The following SSTR2 variants were observed in gnomAD, a reference collection of about 807,000 sequenced individuals.
The protein encoded by SSTR2 is somatostatin receptor type 2.
In SSTR2, 10 loss-of-function variants were observed where a neutral mutation model predicts 21.4. The observed-to-expected ratio is 0.47, with a 90% CI of 0.29 to 0.79. SSTR2 has a LOEUF of 0.79. Ranked by LOEUF, SSTR2 falls within the 30% of genes least tolerant of loss-of-function variation. The pLI is 0.10. For synonymous variants in SSTR2, 177 were observed against 181.3 expected, an observed-to-expected ratio of 0.98 and a Z score of 0.19; for missense variants, 364 against 468.8, an observed-to-expected ratio of 0.78 and a Z score of 2.06.
Position 73,171,405 on chromosome 17 carries a change from A to C in SSTR2, c.*976A>C, listed in dbSNP as rs1178069821. 1 of 167,036 alleles carries C rather than the reference A, an allele frequency of 6.0e-6. No homozygotes were observed. Among genetic ancestry groups the C allele is most frequent in the Non-Finnish European group, 1.5e-5 (1 of 68,134 alleles). The allele number at this position is 167,036 out of a possible 1,614,324, so 10.3% of individuals were successfully genotyped here. A position where few individuals can be genotyped will look rare whatever the true frequency, so the allele number is the denominator to read the frequency against. ...GGGAAAAATCACTAACATGAAAGGC[A>C]AAAAATGGACTATGATTCCTGTGGG... On this transcript the variant is annotated 3_prime_UTR_variant, in exon 2 of 2. Transcript: ENST00000357585.
chr17:73,169,114 A>T lies in SSTR2; in HGVS notation c.-92-114A>T. ...GAGCTTAATGTTGATGTGGAAAGAT[A>T]ATACATTTTTCAATTTAAGAGTATG... On this transcript the variant is annotated intron_variant, in intron 1 of 1. Transcript: ENST00000357585. This position sits in a 1 kb window ranked among gnomAD's most constrained non-coding sequence, Gnocchi z 5.2. 1 of 602,994 alleles carries T rather than the reference A, an allele frequency of 1.7e-6. No individual in the cohort carries two copies. The allele number at this position is 602,994 out of a possible 1,614,324, so 37.4% of individuals were successfully genotyped here. A position where few individuals can be genotyped will look rare whatever the true frequency, so the allele number is the denominator to read the frequency against.
At position 73,170,266 on chromosome 17, in the gene SSTR2, C is replaced by T. The variant is rs368559735; in HGVS notation, c.947C>T (p.Ser316Phe). Residue 316 changes from serine (S) to phenylalanine (F), a missense_variant, in exon 2 of 2, where the codon TCT becomes TTT. Ser to Phe is a radical substitution (Grantham distance 155, BLOSUM62 -2). Around this residue, in one of 4 missense-constraint regions of SSTR2, gnomAD observed 193 missense variants for 273.1 expected, o/e 0.71. Transcript: ENST00000357585. Reference protein sequence around the residue: ...CANPILYAFLSDNFKKSFQNV... With the variant: ...CANPILYAFLFDNFKKSFQNV... Reference sequence around the variant, plus strand: ...AACCCTATCCTATATGCCTTCTTGTCTGACAACTTCAAGAAGAGCTTCCAG... The same window carrying T: ...AACCCTATCCTATATGCCTTCTTGTTTGACAACTTCAAGAAGAGCTTCCAG... The T allele has an allele frequency of 2.2e-5, 35 of 1,613,982 alleles. No homozygotes were observed. Among genetic ancestry groups the T allele is most frequent in the Non-Finnish European group, 2.9e-5 (34 of 1,180,044 alleles).
At chr17:73,167,470 T>C (rs2061220008) in intron 1 of SSTR2, among the ~76,000 whole-genome samples, 1 of 151,828 alleles carries the variant, frequency 6.6e-6, no homozygotes, top group African/African-American at 2.4e-5. Flanking sequence ...TAAGAAGTAA[T>C]CTTCCATCTA....
chr17:73,165,451 C>T (rs1487966237), intron 1 of SSTR2, among the ~76,000 whole-genome samples, 163 bp downstream of exon 1: 1 of 152,044 alleles, frequency 6.6e-6, no homozygotes, highest in Non-Finnish European at 1.5e-5. Context: ...ATTCTCCGCT[C>T]TTGTGCCTTT....
In SSTR2 at chr17:73,170,068, C is replaced by G. The variant is rs61743817; in HGVS notation, c.749C>G (p.Ser250Cys). 1.4e-5 allele frequency: 23 copies of G among 1,614,050 alleles called. No individual in the cohort carries two copies. The highest frequency in any genetic ancestry group is 1.8e-5 in the Non-Finnish European group (21 of 1,180,038). The part of the protein sequence containing the change: ...IRVGSSKRKK[S>C]EKKVTRMVSI... ...GTGGGCTCCTCTAAGAGGAAGAAGT[C>G]TGAGAAGAAGGTCACCCGAATGGTG... is the stretch of plus-strand genomic sequence containing the variant. The change falls in exon 2 of 2, where the codon TCT becomes TGT. Residue 250 changes from serine (S) to cysteine (C), a missense_variant. Transcript: ENST00000357585.
In SSTR2 at chr17:73,170,230, A is replaced by C. The variant is rs1266695685; in HGVS notation, c.911A>C (p.Asn304Thr). The change falls in exon 2 of 2, where the codon AAC (asparagine) becomes ACC (threonine). Residue 304 changes from asparagine to threonine, a missense_variant. By Grantham distance (65) the Asn-to-Thr change is moderately conservative. Around this residue, in one of 4 missense-constraint regions of SSTR2, gnomAD observed 193 missense variants for 273.1 expected, o/e 0.71. Coordinates refer to ENST00000357585, the MANE Select transcript of SSTR2 (RefSeq NM_001050.3). The part of the protein sequence containing the change: ...FDFVVVLTYA[N>T]SCANPILYAF... The stretch of plus-strand genomic sequence containing the variant: ...TTTGTGGTGGTCCTCACCTATGCTA[A>C]CAGCTGTGCCAACCCTATCCTATAT... 1 of 1,614,064 alleles carries C rather than the reference A, an allele frequency of 6.2e-7. No individual in the cohort carries two copies. Among genetic ancestry groups the C allele is most frequent in the South Asian group, 1.1e-5 (1 of 91,076 alleles).
chr17:73,167,911 GA>G (rs2061221461), intron 1 of SSTR2: 1 of 152,194 alleles, frequency 6.6e-6, no homozygotes, highest in Admixed American at 6.5e-5. Flanking sequence ...ATTATGGGAT[GA>G]ACTATTGTTT....
At position 73,172,794 on chromosome 17, in the gene SSTR2, T is replaced by C. The variant is rs1308892065; in HGVS notation, c.*2365T>C. On this transcript the variant is annotated 3_prime_UTR_variant, in exon 2 of 2. Transcript: ENST00000357585. ...GATTTGGAAGAAAATGCTTTAGACCTAACTTTACAATTATTATAACATAAG... is the reference window on the plus strand; with the variant it reads ...GATTTGGAAGAAAATGCTTTAGACCCAACTTTACAATTATTATAACATAAG... 5.9e-5 allele frequency: 9 copies of C among 152,206 alleles called. No homozygotes were observed. Among genetic ancestry groups the C allele is most frequent in the Non-Finnish European group, 1.3e-4 (9 of 68,036 alleles). The allele number at this position is 152,206 out of a possible 1,614,324, so 9.4% of individuals were successfully genotyped here. A position where few individuals can be genotyped will look rare whatever the true frequency, so the allele number is the denominator to read the frequency against.
chr17:73,174,024 G>C lies in SSTR2; in HGVS notation c.*3595G>C, dbSNP rs2061242665. On this transcript the variant is annotated 3_prime_UTR_variant, in exon 2 of 2. Transcript: ENST00000357585. The stretch of plus-strand genomic sequence containing the variant: ...TGTGCCTGTAATCCCAGCTACTCAG[G>C]AGGCTGAGACAGGAGAATCGCTTGA... 1 of 151,930 alleles carries C rather than the reference G, an allele frequency of 6.6e-6. No homozygotes were observed. Among genetic ancestry groups the C allele is most frequent in the Admixed American group, 6.6e-5 (1 of 15,240 alleles). The allele number at this position is 151,930 out of a possible 1,614,324, so 9.4% of individuals were successfully genotyped here.
rs1489521659 is a variant in SSTR2 at position 73,175,026 on chromosome 17, G to C, written c.*4597G>C. On this transcript the variant is annotated 3_prime_UTR_variant, in exon 2 of 2. Coordinates refer to ENST00000357585, the MANE Select transcript of SSTR2 (RefSeq NM_001050.3). ...AGAAAGAAAGAAAGAAAGGTGGCAA[G>C]AGAATTATCAAAAGTTTCCATAGAT... 6.6e-6 allele frequency: 1 copy of C among 152,264 alleles called. No homozygotes were observed. Among genetic ancestry groups the C allele is most frequent in the African/African-American group, 2.4e-5 (1 of 41,450 alleles). The allele number at this position is 152,264 out of a possible 1,614,324, so 9.4% of individuals were successfully genotyped here. A position where few individuals can be genotyped will look rare whatever the true frequency, so the allele number is the denominator to read the frequency against.
Position 73,170,597 on chromosome 17 carries a change from T to A in SSTR2, c.*168T>A. Reference sequence around the variant, plus strand: ...CGGTGTTTGAGTCAGCTTGTCTGATTGAATGATAATGTGCTAAATTGATTA... The same window carrying A: ...CGGTGTTTGAGTCAGCTTGTCTGATAGAATGATAATGTGCTAAATTGATTA... On this transcript the variant is annotated 3_prime_UTR_variant, in exon 2 of 2. Coordinates refer to ENST00000357585, the MANE Select transcript of SSTR2 (RefSeq NM_001050.3). 2 of 850,200 alleles carry A rather than the reference T, an allele frequency of 2.4e-6. No homozygotes were observed. Among genetic ancestry groups the A allele is most frequent in the Non-Finnish European group, 3.9e-6 (2 of 508,786 alleles). The allele number at this position is 850,200 out of a possible 1,614,324, so 52.7% of individuals were successfully genotyped here.
intron 1 of SSTR2, among the ~76,000 whole-genome samples, chr17:73,166,430 G>T (rs1310017997): frequency 7.7e-6 from 1 of 129,648 alleles, no homozygotes. Context: ...GGTAATCACA[G>T]CCCCTATGTA....
chr17:73,174,256 G>C lies in SSTR2; in HGVS notation c.*3827G>C, dbSNP rs1173412304. ...CGCGGGCCAGTGGATGAGGCTTCTA[G>C]ACCTGGCAGTGAACTGGAGTCTATT... On this transcript the variant is annotated 3_prime_UTR_variant, in exon 2 of 2. Transcript: ENST00000357585. The C allele has an allele frequency of 6.6e-6, 1 of 152,170 alleles. No individual in the cohort carries two copies. Among genetic ancestry groups the C allele is most frequent in the South Asian group, 2.1e-4 (1 of 4,830 alleles). The allele number at this position is 152,170 out of a possible 1,614,324, so 9.4% of individuals were successfully genotyped here.
rs1440274481 is a variant in SSTR2, at chr17:73,170,742, G to A, written c.*313G>A. ...AATAGAAAAAAATAAGTATCTGTGT[G>A]TTTGTGTATTGAAAACTCAATATGT... On this transcript the variant is annotated 3_prime_UTR_variant, in exon 2 of 2. Coordinates refer to ENST00000357585, the MANE Select transcript of SSTR2 (RefSeq NM_001050.3). The A allele has an allele frequency of 1.9e-6, 1 of 532,650 alleles. No homozygotes were observed. The highest frequency in any genetic ancestry group is 3.7e-6 in the Non-Finnish European group (1 of 269,694). The allele number at this position is 532,650 out of a possible 1,614,324, so 33.0% of individuals were successfully genotyped here.
In SSTR2 at chr17:73,173,390, A is replaced by G. The variant is rs1158424375; in HGVS notation, c.*2961A>G. ...GCTAAAAGACAGGCCTTTAAATCTG[A>G]TGCTATAATTCCATCCAAATACACA... On this transcript the variant is annotated 3_prime_UTR_variant, in exon 2 of 2. Transcript: ENST00000357585. 1.1e-4 allele frequency: 16 copies of G among 152,320 alleles called. 1 individual carries two copies. The East Asian group carries it at 3.1e-3, about 29-fold the overall frequency. 9.4% of individuals were successfully genotyped at this position (152,320 alleles called of 1,614,324 possible). A position where few individuals can be genotyped will look rare whatever the true frequency, so the allele number is the denominator to read the frequency against.
rs1171646528 is a variant in SSTR2 at position 73,171,443 on chromosome 17, T to C, written c.*1014T>C. ...TGATTCCTGTGGGGAAACAATTTCATTCTCTCCATCGTGAAAATAAGTGAA... is the reference window on the plus strand; with the variant it reads ...TGATTCCTGTGGGGAAACAATTTCACTCTCTCCATCGTGAAAATAAGTGAA... On this transcript the variant is annotated 3_prime_UTR_variant, in exon 2 of 2. Coordinates refer to ENST00000357585, the MANE Select transcript of SSTR2 (RefSeq NM_001050.3). 6.0e-6 allele frequency: 1 copy of C among 167,062 alleles called. No homozygotes were observed. The highest frequency in any genetic ancestry group is 1.5e-5 in the Non-Finnish European group (1 of 68,120). 10.3% of individuals were successfully genotyped at this position (167,062 alleles called of 1,614,324 possible). A position where few individuals can be genotyped will look rare whatever the true frequency, so the allele number is the denominator to read the frequency against.
In SSTR2 at chr17:73,170,380, C is replaced by A. The variant is rs184367950; in HGVS notation, c.1061C>A (p.Thr354Lys). Residue 354 changes from threonine to lysine, a missense_variant, in exon 2 of 2, where the codon ACG becomes AAG. Thr to Lys is a moderately conservative substitution (Grantham distance 78). Coordinates refer to ENST00000357585, the MANE Select transcript of SSTR2 (RefSeq NM_001050.3). ...KQDKSRLNET[T>K]ETQRTLLNGD... ...GACAAATCCCGGCTGAATGAGACCA[C>A]GGAGACCCAGAGGACCCTCCTCAAT... The A allele has an allele frequency of 5.0e-6, 8 of 1,613,938 alleles. No individual in the cohort carries two copies. Among genetic ancestry groups the A allele is most frequent in the Non-Finnish European group, 6.8e-6 (8 of 1,179,996 alleles).
rs570590638 is a variant in SSTR2, at chr17:73,174,063, A to C, written c.*3634A>C. 6.7e-6 allele frequency: 1 copy of C among 149,482 alleles called. No homozygotes were observed. Among genetic ancestry groups the C allele is most frequent in the Admixed American group, 6.8e-5 (1 of 14,772 alleles). 9.3% of individuals were successfully genotyped at this position (149,482 alleles called of 1,614,324 possible). On this transcript the variant is annotated 3_prime_UTR_variant, in exon 2 of 2. Transcript: ENST00000357585. ...AGAATCGCTTGAACCCGGGAGGCGA[A>C]GGTTGCAGTGAGCCAAGATCGCGCC... is the stretch of plus-strand genomic sequence containing the variant.
chr17:73,170,784 A>G lies in SSTR2; in HGVS notation c.*355A>G, dbSNP rs972775877. The G allele has an allele frequency of 3.3e-5, 16 of 487,328 alleles. No homozygotes were observed. Among genetic ancestry groups the G allele is most frequent in the Non-Finnish European group, 4.2e-6 (1 of 239,286 alleles). 30.2% of individuals were successfully genotyped at this position (487,328 alleles called of 1,614,324 possible). On this transcript the variant is annotated 3_prime_UTR_variant, in exon 2 of 2. Coordinates refer to ENST00000357585, the MANE Select transcript of SSTR2 (RefSeq NM_001050.3). Reference sequence around the variant, plus strand: ...TCAATATGTAATCTTGTGTTTTTATATGTATACTTGTATATTCCTATTTAT... The same window carrying G: ...TCAATATGTAATCTTGTGTTTTTATGTGTATACTTGTATATTCCTATTTAT...
Sources: gnomAD v4.1 joint callset for allele counts (sites outside exome capture counted in the v4.1 genomes callset) on GRCh38, gnomAD v4.1.1 for gene constraint, gnomAD v4.1.1 regional missense constraint, Gnocchi (gnomAD v3.1) non-coding constraint, MANE v1.5 for transcripts, NCBI Gene and HGNC (gene_info 2026-07-23, HGNC 2026-07-21) for gene names.